The following PDGFC variants were observed in gnomAD, a reference collection of about 807,000 sequenced individuals.
PDGFC encodes the protein platelet-derived growth factor C.
PDGFC carries 12 observed loss-of-function variants against 35.5 expected under a neutral mutation model. The ratio of observed to expected loss-of-function variants is 0.34; its 90% CI spans 0.22 to 0.55. PDGFC has a LOEUF of 0.55. PDGFC is among the 20% of genes least tolerant of loss of function. PDGFC has a pLI of 0.91. For missense variants in PDGFC, 322 were observed against 412.4 expected, an observed-to-expected ratio of 0.78 and a Z score of 1.90; for synonymous variants, 159 against 148.8, an observed-to-expected ratio of 1.07 and a Z score of -0.50.
At chr4:156,791,138 C>T (rs76901832) in intron 3 of PDGFC, among the ~76,000 whole-genome samples, 1,903 of 152,240 alleles carry the variant, frequency 0.013, 19 homozygotes, top group Non-Finnish European at 0.02. Flanking sequence ...TGACCTTGTG[C>T]TGCTTGCTGT....
intron 2 of PDGFC, among the ~76,000 whole-genome samples, chr4:156,835,294 G>A (rs935314089): frequency 3.3e-5 from 5 of 152,078 alleles, no homozygotes; most frequent in East Asian, 1.9e-4. Context: ...AATAATAGAC[G>A]CTGCGGAGAA....
rs764741287 is a variant in PDGFC, at chr4:156,772,752, C to T, written c.637G>A (p.Glu213Lys). 6.2e-7 allele frequency: 1 copy of T among 1,613,444 alleles called. No individual in the cohort carries two copies. Among genetic ancestry groups the T allele is most frequent in the Non-Finnish European group, 8.5e-7 (1 of 1,179,532 alleles). ...TGCCAAGTTGGCCTATATAGATCTT[C>T]TAAGTCCAACTGCCATCTCTCTGGT... ...LEPERWQLDL[E>K]DLYRPTWQLL... The change falls in exon 4 of 6, where the codon GAA (glutamate) becomes AAA (lysine). Residue 213 changes from glutamate to lysine, a missense_variant. Around this residue, in one of 2 missense-constraint regions of PDGFC, gnomAD observed 202 missense variants for 295.9 expected, o/e 0.68. Transcript: ENST00000502773.
At chr4:156,955,974 A>G (rs937430437) in intron 1 of PDGFC, among the ~76,000 whole-genome samples, 1 of 152,130 alleles carries the variant, frequency 6.6e-6, no homozygotes, top group East Asian at 1.9e-4. Context: ...ACCCCATGAG[A>G]AGCCCTTCCT....
chr4:156,896,187 T>C (rs954800403), intron 1 of PDGFC, among the ~76,000 whole-genome samples: 1 of 152,198 alleles, frequency 6.6e-6, no homozygotes, highest in Non-Finnish European at 1.5e-5. Flanking sequence ...TTAATCCTTA[T>C]TAGGTTAATT....
chr4:156,949,630 G>T (rs1162580853), intron 1 of PDGFC, among the ~76,000 whole-genome samples: 1 of 151,874 alleles, frequency 6.6e-6, no homozygotes, highest in Non-Finnish European at 1.5e-5. Flanking sequence ...GTTTGGGGAG[G>T]ACTGGTAGTT....
chr4:156,955,954 CT>C (rs1160223719), intron 1 of PDGFC, among the ~76,000 whole-genome samples: 20 of 152,176 alleles, frequency 1.3e-4, no homozygotes, highest in Admixed American at 1.2e-3. Context: ...CAAGACCCTA[CT>C]CAGTGATAAC....
intron 1 of PDGFC, among the ~76,000 whole-genome samples, chr4:156,914,887 C>G (rs1185022616): frequency 9.3e-6 from 1 of 107,276 alleles, no homozygotes; most frequent in Admixed American, 1.0e-4. Context: ...ACTGGCTTTA[C>G]AATACCCAGG....
At chr4:156,764,746 TTTA>T (rs1730474291) in intron 5 of PDGFC, among the ~76,000 whole-genome samples, 1 of 152,184 alleles carries the variant, frequency 6.6e-6, no homozygotes, top group Non-Finnish European at 1.5e-5. Flanking sequence ...TTAGTACTGA[TTTA>T]TTATTTTTGA....
intron 1 of PDGFC, among the ~76,000 whole-genome samples, chr4:156,915,719 T>C (rs1731142923): frequency 6.6e-6 from 1 of 152,054 alleles, no homozygotes; most frequent in African/African-American, 2.4e-5. Flanking sequence ...CGGCAGAGGT[T>C]GCAGTGAGTG....
chr4:156,827,462 C>T lies in PDGFC; in HGVS notation c.315-16445G>A, dbSNP rs139283293. Among the ~76,000 whole-genome samples, 240 of 151,194 alleles carry T rather than the reference C, an allele frequency of 1.6e-3. 1 individual carries two copies. The highest frequency in any genetic ancestry group is 5.3e-3 in the African/African-American group (218 of 41,064). On this transcript the variant is annotated intron_variant, in intron 2 of 5. Coordinates refer to ENST00000502773, the MANE Select transcript of PDGFC (RefSeq NM_016205.3). ...ATTGATACACTTGTACTTCGACAAA[C>T]GCAAGCAAATGAGCAGAGCATTTCA...
chr4:156,813,379 C>T (rs146207388), intron 2 of PDGFC, among the ~76,000 whole-genome samples: 211 of 152,000 alleles, frequency 1.4e-3, no homozygotes, highest in African/African-American at 4.8e-3. Flanking sequence ...GGTTCTGGGT[C>T]CATAAAACAC....
At chr4:156,880,243 C>A (rs1422816186) in intron 1 of PDGFC, among the ~76,000 whole-genome samples, 1 of 152,086 alleles carries the variant, frequency 6.6e-6, no homozygotes, top group Non-Finnish European at 1.5e-5. Flanking sequence ...GACAAGTAGA[C>A]TCTCTTGTTA....
Position 156,811,866 on chromosome 4 carries a change from T to A in PDGFC, c.315-849A>T, listed in dbSNP as rs191575330. Among the ~76,000 whole-genome samples, 3 of 152,084 alleles carry A rather than the reference T, an allele frequency of 2.0e-5. No homozygotes were observed. In the South Asian group the frequency reaches 6.2e-4, roughly 32 times the overall value. On this transcript the variant is annotated intron_variant, in intron 2 of 5. Coordinates refer to ENST00000502773, the MANE Select transcript of PDGFC (RefSeq NM_016205.3). ...ATAATTGGGGGTGAGAAGGGAGTGA[T>A]TGAAATGTAGCAGGCAAGGTCCACG...
chr4:156,884,969 T>C (rs1730339113), intron 1 of PDGFC, among the ~76,000 whole-genome samples: 2 of 152,210 alleles, frequency 1.3e-5, no homozygotes, highest in South Asian at 2.1e-4. Flanking sequence ...AAACTCTTAA[T>C]ATAAACTCAA....
intron 1 of PDGFC, among the ~76,000 whole-genome samples, chr4:156,963,977 T>C (rs1216937461): frequency 1.4e-5 from 2 of 146,178 alleles, no homozygotes; most frequent in Non-Finnish European, 3.0e-5. Flanking sequence ...CTGACGGTCT[T>C]GACCAAAAAA....
chr4:156,965,250 T>A (rs1166556054), intron 1 of PDGFC, among the ~76,000 whole-genome samples: 1 of 152,152 alleles, frequency 6.6e-6, no homozygotes, highest in Non-Finnish European at 1.5e-5. Context: ...AGTCTTTCTT[T>A]AATAAGATAC....
chr4:156,951,363 T>C (rs1427215554), intron 1 of PDGFC, among the ~76,000 whole-genome samples: 1 of 151,856 alleles, frequency 6.6e-6, no homozygotes, highest in Non-Finnish European at 1.5e-5. Context: ...CCTGTATTTA[T>C]ATATAATTGC....
intron 1 of PDGFC, among the ~76,000 whole-genome samples, chr4:156,942,343 T>C (rs2110910725): frequency 6.6e-6 from 1 of 152,196 alleles, no homozygotes; most frequent in East Asian, 1.9e-4. Context: ...TCTTCTTTCA[T>C]GATTAAAAAA....
intron 1 of PDGFC, among the ~76,000 whole-genome samples, chr4:156,954,846 A>G (rs1732169767): frequency 6.6e-6 from 1 of 152,036 alleles, no homozygotes; most frequent in Non-Finnish European, 1.5e-5. Flanking sequence ...ATGATGATTT[A>G]TGACACCAGA....
Sources: gnomAD v4.1 joint callset for allele counts (sites outside exome capture counted in the v4.1 genomes callset) on GRCh38, gnomAD v4.1.1 for gene constraint, gnomAD v4.1.1 regional missense constraint, MANE v1.5 for transcripts, NCBI Gene and HGNC (gene_info 2026-07-23, HGNC 2026-07-21) for gene names.